Variants in SORL1-AS1 observed in about 807,000 individuals in gnomAD.
SORL1-AS1 encodes the protein SORL1 antisense RNA 1.
chr11:121,452,249 G>T lies in SORL1-AS1; in HGVS notation n.339+426C>A. On this transcript the variant is annotated intron_variant and non_coding_transcript_variant, in intron 1 of 1. Transcript: ENST00000501964. The surrounding 1 kb of genome is among the most constrained non-coding windows in gnomAD (Gnocchi z 5.3). ...TGGAGCCCCGGGAGCGGCGCGCGCGGTCCCGGCCCAGCGGCTCTCCTGGCC... is the reference window on the plus strand; with the variant it reads ...TGGAGCCCCGGGAGCGGCGCGCGCGTTCCCGGCCCAGCGGCTCTCCTGGCC... 1 of 1,197,212 alleles carries T rather than the reference G, an allele frequency of 8.4e-7. No homozygotes were observed. 74.2% of individuals were successfully genotyped at this position (1,197,212 alleles called of 1,614,324 possible).
At chr11:121,441,777 A>G in the SORL1-AS1 span, among the ~76,000 whole-genome samples, 1 of 152,122 alleles carries the variant, frequency 6.6e-6, no homozygotes, top group Admixed American at 6.5e-5. Context: ...TGAACTCCCG[A>G]CAGCTGCATG....
chr11:121,446,844 G>T (rs1591537418), downstream of SORL1-AS1, among the ~76,000 whole-genome samples: 1 of 151,904 alleles, frequency 6.6e-6, no homozygotes, highest in East Asian at 1.9e-4. Context: ...GGCCCTAAGA[G>T]AGTGCAGAGG....
chr11:121,442,167 C>A, the SORL1-AS1 span, among the ~76,000 whole-genome samples: 71 of 152,290 alleles, frequency 4.7e-4, no homozygotes, highest in African/African-American at 1.6e-3. Flanking sequence ...TATTTATTAG[C>A]AACAAGGCAT....
chr11:121,443,038 A>G (rs1244378790), downstream of SORL1-AS1, among the ~76,000 whole-genome samples: 1 of 151,902 alleles, frequency 6.6e-6, no homozygotes, highest in Non-Finnish European at 1.5e-5. Context: ...CTGAGGCTAG[A>G]GGACATGAAG....
At chr11:121,451,767 T>C (rs1426417302) in intron 1 of SORL1-AS1, among the ~76,000 whole-genome samples, 2 of 152,146 alleles carry the variant, frequency 1.3e-5, no homozygotes, top group Admixed American at 1.3e-4. Context: ...TGGACTCTTG[T>C]TGGTTGCGTT....
chr11:121,444,340 G>A (rs1049393534), downstream of SORL1-AS1, among the ~76,000 whole-genome samples: 1 of 152,138 alleles, frequency 6.6e-6, no homozygotes, highest in South Asian at 2.1e-4. Context: ...TGTGCCAGGC[G>A]TTCACTTTCT....
the SORL1-AS1 span, among the ~76,000 whole-genome samples, chr11:121,439,063 T>C: frequency 3.3e-5 from 5 of 152,178 alleles, no homozygotes. Context: ...ACAATGAATA[T>C]TCTTATCCAA....
chr11:121,451,015 G>A (rs1033539835), intron 1 of SORL1-AS1, among the ~76,000 whole-genome samples: 4 of 152,120 alleles, frequency 2.6e-5, no homozygotes, highest in African/African-American at 7.2e-5. Context: ...GGTAGGAATC[G>A]GGCTACCGTG....
chr11:121,452,581 G>A lies in SORL1-AS1; in HGVS notation n.339+94C>T, dbSNP rs761884142. On this transcript the variant is annotated intron_variant and non_coding_transcript_variant, in intron 1 of 1. Coordinates refer to ENST00000501964, the Ensembl canonical transcript of SORL1-AS1. The surrounding 1 kb of genome is among the most constrained non-coding windows in gnomAD (Gnocchi z 5.3). ...GCCGCTCCGGAGGAAACGGAGCGCT[G>A]CCCTGCAGCCCGAGCCCATCAAGGT... 14 of 1,521,938 alleles carry A rather than the reference G, an allele frequency of 9.2e-6. No homozygotes were observed. In the South Asian group the frequency reaches 1.7e-4, roughly 18 times the overall value. The allele number at this position is 1,521,938 out of a possible 1,614,324, so 94.3% of individuals were successfully genotyped here.
chr11:121,452,755 C>A lies in SORL1-AS1; in HGVS notation n.259G>T. ...CCGGCTTGCATTTGTTTTTTTCCTT[C>A]ACGAGTACAACCGTCAGCACTTGAA... On this transcript the variant is annotated non_coding_transcript_exon_variant, in exon 1 of 2. Coordinates refer to ENST00000501964, the Ensembl canonical transcript of SORL1-AS1. The surrounding 1 kb of genome is among the most constrained non-coding windows in gnomAD (Gnocchi z 5.3). The A allele has an allele frequency of 1.4e-6, 1 of 697,458 alleles. No individual in the cohort carries two copies. The allele number at this position is 697,458 out of a possible 1,614,324, so 43.2% of individuals were successfully genotyped here.
In SORL1-AS1 at chr11:121,450,292, T is replaced by C. The variant is rs532694925; in HGVS notation, n.340-393A>G. ...TTTTCCTTTGAGGGCTAAATGGGAG[T>C]AGAGATATCTTTGCTGCTGGTCCTG... On this transcript the variant is annotated intron_variant and non_coding_transcript_variant, in intron 1 of 1. Transcript: ENST00000501964. This position sits in a 1 kb window ranked among gnomAD's most constrained non-coding sequence, Gnocchi z 5.2. Among the ~76,000 whole-genome samples, 5 of 152,112 alleles carry C rather than the reference T, an allele frequency of 3.3e-5. No individual in the cohort carries two copies. Among genetic ancestry groups the C allele is most frequent in the Admixed American group, 3.3e-4 (5 of 15,278 alleles).
At chr11:121,445,678 C>A (rs531614288), downstream of SORL1-AS1, among the ~76,000 whole-genome samples, 1 of 151,980 alleles carries the variant, frequency 6.6e-6, no homozygotes, top group East Asian at 1.9e-4. Context: ...GTTCCAACTT[C>A]CACACACACA....
chr11:121,451,051 T>C (rs187223844), intron 1 of SORL1-AS1, among the ~76,000 whole-genome samples: 3 of 152,256 alleles, frequency 2.0e-5, no homozygotes, highest in African/African-American at 4.8e-5. Flanking sequence ...GGAATGTTTT[T>C]AGAAAATTGA....
At chr11:121,442,713 C>G (rs1377944492), downstream of SORL1-AS1, among the ~76,000 whole-genome samples, 2 of 148,394 alleles carry the variant, frequency 1.3e-5, no homozygotes, top group African/African-American at 2.5e-5. Context: ...GAGTCTTGCT[C>G]TGTCGCCCAG....
chr11:121,452,483 T>C lies in SORL1-AS1; in HGVS notation n.339+192A>G. The C allele has an allele frequency of 6.7e-7, 1 of 1,496,592 alleles. No individual in the cohort carries two copies. Among genetic ancestry groups the C allele is most frequent in the Non-Finnish European group, 8.9e-7 (1 of 1,124,620 alleles). 92.7% of individuals were successfully genotyped at this position (1,496,592 alleles called of 1,614,324 possible). The stretch of plus-strand genomic sequence containing the variant: ...CCCCAGGACCGGGGCTTCCTCGTGG[T>C]GCAGGGCGACCCGCGCGAGCTGCGG... On this transcript the variant is annotated intron_variant and non_coding_transcript_variant, in intron 1 of 1. Transcript: ENST00000501964. This position sits in a 1 kb window ranked among gnomAD's most constrained non-coding sequence, Gnocchi z 5.3.
At chr11:121,442,558 C>T (rs1173966079), downstream of SORL1-AS1, among the ~76,000 whole-genome samples, 1 of 151,744 alleles carries the variant, frequency 6.6e-6, no homozygotes, top group African/African-American at 2.4e-5. Context: ...TCACTTGAAC[C>T]TGGGAGGCGG....
Position 121,452,359 on chromosome 11 carries a change from T to A in SORL1-AS1, n.339+316A>T. 6.5e-7 allele frequency: 1 copy of A among 1,548,684 alleles called. No homozygotes were observed. Among genetic ancestry groups the A allele is most frequent in the Non-Finnish European group, 8.7e-7 (1 of 1,152,264 alleles). On this transcript the variant is annotated intron_variant and non_coding_transcript_variant, in intron 1 of 1. Coordinates refer to ENST00000501964, the Ensembl canonical transcript of SORL1-AS1. The surrounding 1 kb of genome is among the most constrained non-coding windows in gnomAD (Gnocchi z 5.3). Reference sequence around the variant, plus strand: ...GGCGACACGGAGCAGCAGGAGGGAGTCGCGACTCCCGTTCCTATTCACCCT... The same window carrying A: ...GGCGACACGGAGCAGCAGGAGGGAGACGCGACTCCCGTTCCTATTCACCCT...
At chr11:121,445,917 C>T (rs942278839), downstream of SORL1-AS1, among the ~76,000 whole-genome samples, 1 of 152,146 alleles carries the variant, frequency 6.6e-6, no homozygotes, top group Non-Finnish European at 1.5e-5. Context: ...CTAGGACATG[C>T]ATAAAAATAT....
Position 121,452,384 on chromosome 11 carries a change from T to A in SORL1-AS1, n.339+291A>T. 1 of 1,548,822 alleles carries A rather than the reference T, an allele frequency of 6.5e-7. No individual in the cohort carries two copies. The highest frequency in any genetic ancestry group is 8.7e-7 in the Non-Finnish European group (1 of 1,152,076). ...TCGCGACTCCCGTTCCTATTCACCC[T>A]GGTCGCACTGCTGCCGCCCGGAGCT... On this transcript the variant is annotated intron_variant and non_coding_transcript_variant, in intron 1 of 1. Transcript: ENST00000501964. This position sits in a 1 kb window ranked among gnomAD's most constrained non-coding sequence, Gnocchi z 5.3.
Sources: gnomAD v4.1 joint callset for allele counts (sites outside exome capture counted in the v4.1 genomes callset) on GRCh38, gnomAD v4.1.1 for gene constraint, Gnocchi (gnomAD v3.1) non-coding constraint, MANE v1.5 for transcripts, NCBI Gene and HGNC (gene_info 2026-07-23, HGNC 2026-07-21) for gene names.